CYP2B6: variants seen among roughly 807,000 people sequenced by gnomAD.
CYP2B6 encodes cytochrome P450 2B6.
In CYP2B6, 35 loss-of-function variants were observed where a neutral mutation model predicts 43.4. The ratio of observed to expected loss-of-function variants is 0.81; its 90% CI spans 0.62 to 1.07. CYP2B6 has a LOEUF of 1.07. CYP2B6 is among the 50% of genes least tolerant of loss of function. The probability of loss-of-function intolerance (pLI) is 0.00; values close to 1 mark genes in which losing one functional copy is unlikely to be tolerated. For missense variants in CYP2B6, 624 were observed against 632.8 expected (o/e 0.99, Z 0.15); for synonymous variants, 239 against 239.2 (o/e 1.00, Z 0.01).
Position 41,012,424 on chromosome 19 carries a change from C to G in CYP2B6, c.1091C>G (p.Pro364Arg). The change falls in exon 7 of 9, where the codon CCC becomes CGC. Residue 364 changes from proline (P) to arginine (R), a missense_variant. Transcript: ENST00000324071. ...YEIQRFSDLL[P>R]MGVPHIVTQH... ...ATTCAGAGATTTTCCGACCTTCTCC[C>G]CATGGGTGTGCCCCACATTGTCACC... 1 of 1,614,104 alleles carries G rather than the reference C, an allele frequency of 6.2e-7. No individual in the cohort carries two copies. The highest frequency in any genetic ancestry group is 1.1e-5 in the South Asian group (1 of 91,082).
At chr19:41,016,512 C>T in intron 8 of CYP2B6, 134 bp from the exon 9 acceptor site, 1 of 856,424 alleles carries the variant, frequency 1.2e-6, no homozygotes, top group African/African-American at 1.7e-5. Flanking sequence ...AAAAGTCCAC[C>T]CTGAATTGTA....
Position 40,991,421 on chromosome 19 carries a change from T to C in CYP2B6, c.116T>C (p.Leu39Pro). 6.2e-7 allele frequency: 1 copy of C among 1,614,018 alleles called. No homozygotes were observed. Among genetic ancestry groups the C allele is most frequent in the Admixed American group, 1.7e-5 (1 of 60,020 alleles). The change falls in exon 1 of 9, where the codon CTT (leucine) becomes CCT (proline). Residue 39 changes from leucine to proline, a missense_variant. Leu to Pro is a moderately conservative substitution (Grantham distance 98). Transcript: ENST00000324071. Reference sequence around the variant, plus strand: ...CCACCAGGGCCCCGCCCTCTGCCCCTTTTGGGAAACCTTCTGCAGATGGAT... The same window carrying C: ...CCACCAGGGCCCCGCCCTCTGCCCCCTTTGGGAAACCTTCTGCAGATGGAT... ...RLPPGPRPLP[L>P]LGNLLQMDRR...
In CYP2B6 at chr19:41,004,283, C is replaced by A. The variant is rs182509919; in HGVS notation, c.335-14C>A. The stretch of plus-strand genomic sequence containing the variant: ...CTTCTTCTACAACCAACCCACACCT[C>A]CCCTGCACCCCAGGTGTGATCTTTG... On this transcript the variant is annotated splice_polypyrimidine_tract_variant and intron_variant, in intron 2 of 8. Coordinates refer to ENST00000324071, the MANE Select transcript of CYP2B6 (RefSeq NM_000767.5). 1 of 1,613,658 alleles carries A rather than the reference C, an allele frequency of 6.2e-7. No individual in the cohort carries two copies. The highest frequency in any genetic ancestry group is 8.5e-7 in the Non-Finnish European group (1 of 1,179,970).
In CYP2B6 at chr19:41,004,611, G is replaced by T. The variant is rs115371888; in HGVS notation, c.484+165G>T. Among the ~76,000 whole-genome samples, 512 of 152,096 alleles carry T rather than the reference G, an allele frequency of 3.4e-3. 4 individuals carry two copies. The highest frequency in any genetic ancestry group is 0.012 in the African/African-American group (499 of 41,404). ...AGAGACAGAGAGGGAGAGAGACAGG[G>T]GAATAGAGAGGGATGGGGATGGGCA... On this transcript the variant is annotated intron_variant, in intron 3 of 8. Coordinates refer to ENST00000324071, the MANE Select transcript of CYP2B6 (RefSeq NM_000767.5).
intron 1 of CYP2B6, among the ~76,000 whole-genome samples, chr19:40,993,399 C>A (rs975330208): frequency 1.3e-5 from 2 of 152,052 alleles, no homozygotes; most frequent in African/African-American, 4.8e-5. Context: ...GAATGAGAAG[C>A]AGGAAACTTA....
At chr19:40,996,304 A>G (rs1968998408) in intron 1 of CYP2B6, among the ~76,000 whole-genome samples, 1 of 152,138 alleles carries the variant, frequency 6.6e-6, no homozygotes, top group Non-Finnish European at 1.5e-5. Flanking sequence ...CTTCTTCAAT[A>G]CCTTATTTAA....
At chr19:41,007,462 T>G in intron 4 of CYP2B6, 1 of 191,854 alleles carries the variant, frequency 5.2e-6, no homozygotes, top group Non-Finnish European at 1.1e-5. Context: ...ATGTCATTTC[T>G]GTTTTATTTT....
In CYP2B6 at chr19:41,010,409, G is replaced by GTT. The variant is rs57062123; in HGVS notation, c.964+286_964+287dup. On this transcript the variant is annotated intron_variant, in intron 6 of 8. Transcript: ENST00000324071. ...TTGTTTGTTTGTTTTTTGTTTTTTG[G>GTT]TTTTTTTTTTTTTGTCTTTTTTGAG... Among the ~76,000 whole-genome samples the GTT allele has an allele frequency of 1.9e-3, 262 of 140,954 alleles. 3 individuals are homozygous for GTT. The highest frequency in any genetic ancestry group is 6.1e-3 in the African/African-American group (234 of 38,640). The allele number at this position is 140,954 out of a possible 152,430, so 92.5% of individuals were successfully genotyped here. A position where few individuals can be genotyped will look rare whatever the true frequency, so the allele number is the denominator to read the frequency against.
intron 8 of CYP2B6, among the ~76,000 whole-genome samples, chr19:41,015,423 T>A (rs1214067661): frequency 1.3e-5 from 2 of 152,194 alleles, no homozygotes; most frequent in South Asian, 4.1e-4. Context: ...TAGACACACT[T>A]GTCCAACAAC....
chr19:40,991,498 T>A (rs1323750317), intron 1 of CYP2B6, 22 bp downstream of exon 1: 3 of 1,612,120 alleles, frequency 1.9e-6, no homozygotes, highest in African/African-American at 1.3e-5. Flanking sequence ...ACGAATGGGG[T>A]CTGAGGGTGA....
At chr19:41,003,399 T>C (rs527600420) in intron 1 of CYP2B6, among the ~76,000 whole-genome samples, 209 of 152,214 alleles carry the variant, frequency 1.4e-3, no homozygotes, top group African/African-American at 4.7e-3. Context: ...TGGTGAGAGA[T>C]ATCATCATCC....
intron 3 of CYP2B6, 86 bp from the exon 4 acceptor site, chr19:41,006,819 T>C (rs1251334265): frequency 2.1e-5 from 26 of 1,258,594 alleles, no homozygotes; most frequent in Non-Finnish European, 2.7e-5. Flanking sequence ...TACTGAGTGA[T>C]GGCAGACAAT....
In CYP2B6 at chr19:40,991,726, C is replaced by T. The variant is rs548325476; in HGVS notation, c.171+250C>T. The stretch of plus-strand genomic sequence containing the variant: ...ACAGCTCCCTAAACCAGGAAAGACA[C>T]CACACGGCAGTATGGTCAAGTGGTA... On this transcript the variant is annotated intron_variant, in intron 1 of 8. Coordinates refer to ENST00000324071, the MANE Select transcript of CYP2B6 (RefSeq NM_000767.5). 6.6e-5 allele frequency among the ~76,000 whole-genome samples: 10 copies of T among 152,218 alleles called. No individual in the cohort carries two copies. The South Asian group carries it at 1.7e-3, about 25-fold the overall frequency.
At chr19:41,010,280 A>G in intron 6 of CYP2B6, 145 bp downstream of exon 6, 1 of 925,954 alleles carries the variant, frequency 1.1e-6, no homozygotes, top group Admixed American at 2.2e-5. Flanking sequence ...ATTCCAACCA[A>G]GCCAATTCTG....
intron 1 of CYP2B6, among the ~76,000 whole-genome samples, chr19:41,003,271 G>A (rs546458297): frequency 1.3e-5 from 2 of 151,988 alleles, no homozygotes; most frequent in South Asian, 4.2e-4. Context: ...ACATAATACT[G>A]AGCACTATGC....
intron 3 of CYP2B6, among the ~76,000 whole-genome samples, chr19:41,006,161 G>A (rs2144669489): frequency 1.3e-5 from 2 of 151,686 alleles, no homozygotes; most frequent in South Asian, 4.2e-4. Context: ...TTTTTTATTT[G>A]TTTTAAATTA....
chr19:41,003,239 C>T (rs1449265647), intron 1 of CYP2B6, among the ~76,000 whole-genome samples: 1 of 152,170 alleles, frequency 6.6e-6, no homozygotes, highest in East Asian at 1.9e-4. Context: ...TTCTGAGACC[C>T]CCAGTGGATG....
At chr19:40,991,532 G>T in intron 1 of CYP2B6, 56 bp downstream of exon 1, 1 of 1,596,956 alleles carries the variant, frequency 6.3e-7, no homozygotes, top group South Asian at 1.1e-5. Context: ...TTGGTACTTG[G>T]GGAAGCTTCA....
chr19:41,002,098 G>A (rs532557103), intron 1 of CYP2B6, among the ~76,000 whole-genome samples: 1 of 152,246 alleles, frequency 6.6e-6, no homozygotes, highest in South Asian at 2.1e-4. Context: ...GCCACGTCAT[G>A]TAGGACCATG....
Sources: allele counts gnomAD v4.1 joint callset (sites outside exome capture counted in the v4.1 genomes callset), GRCh38; gene constraint gnomAD v4.1.1; transcripts MANE v1.5; gene names NCBI Gene and HGNC (gene_info 2026-07-23, HGNC 2026-07-21).